Variants in PDS5A observed in about 807,000 individuals in gnomAD.
PDS5A encodes sister chromatid cohesion protein PDS5 homolog A.
PDS5A carries 42 observed loss-of-function variants against 167.1 expected under a neutral mutation model. That is an observed-to-expected ratio of 0.25 (90% CI 0.20 to 0.33). The LOEUF is 0.33. PDS5A is among the 10% of genes least tolerant of loss of function. The pLI is 1.00. For synonymous variants in PDS5A, 553 were observed against 554.6 expected, an observed-to-expected ratio of 1.00 and a Z score of 0.04; for missense variants, 1,033 against 1,605.9, an observed-to-expected ratio of 0.64 and a Z score of 6.10.
intron 32 of PDS5A, among the ~76,000 whole-genome samples, chr4:39,832,043 G>A (rs1201982427): frequency 2.7e-5 from 4 of 148,020 alleles, no homozygotes; most frequent in East Asian, 2.1e-4. Flanking sequence ...GAATGAACCC[G>A]GGAGGCAGAG....
chr4:39,881,261 T>C (rs142680001), intron 17 of PDS5A, among the ~76,000 whole-genome samples: 78 of 152,284 alleles, frequency 5.1e-4, no homozygotes, highest in African/African-American at 1.9e-3. Context: ...GCAATAATAA[T>C]GAGTATACGG....
chr4:39,930,389 G>A (rs1560494139), intron 2 of PDS5A, among the ~76,000 whole-genome samples: 1 of 151,032 alleles, frequency 6.6e-6, no homozygotes, highest in Non-Finnish European at 1.5e-5. Context: ...CACCATGCCT[G>A]GGCTATTGAG....
intron 5 of PDS5A, among the ~76,000 whole-genome samples, chr4:39,923,638 A>AACACACACACAC (rs10664167): frequency 0.024 from 3,031 of 125,246 alleles, 44 homozygotes; most frequent in African/African-American, 0.038. Context: ...CCTGTCTCAA[A>AACACACACACAC]ACACACACAC....
At chr4:39,899,694 C>T (rs940297984) in intron 14 of PDS5A, among the ~76,000 whole-genome samples, 1 of 151,668 alleles carries the variant, frequency 6.6e-6, no homozygotes, top group African/African-American at 2.4e-5. Context: ...AAAAAACATA[C>T]AAAACCTAGC....
chr4:39,874,810 A>T (rs1720330560), intron 19 of PDS5A, among the ~76,000 whole-genome samples: 3 of 152,204 alleles, frequency 2.0e-5, no homozygotes, highest in African/African-American at 7.2e-5. Context: ...GAAAGAGAGT[A>T]GCAAAAGGCC....
rs1013278834 is a variant in PDS5A at position 39,977,749 on chromosome 4, G to C, written c.-333C>G. ...TCCGGGAGTGTGTGCGCTTGTGTCCGTCCGGGACCCCCGCGGCCCGCCCGC... is the reference window on the plus strand; with the variant it reads ...TCCGGGAGTGTGTGCGCTTGTGTCCCTCCGGGACCCCCGCGGCCCGCCCGC... On this transcript the variant is annotated 5_prime_UTR_variant, in exon 1 of 33. Transcript: ENST00000303538. The surrounding 1 kb of genome is among the most constrained non-coding windows in gnomAD (Gnocchi z 4.2). The C allele has an allele frequency of 8.7e-5, 13 of 149,280 alleles. No individual in the cohort carries two copies. Among genetic ancestry groups the C allele is most frequent in the Non-Finnish European group, 1.8e-4 (12 of 66,852 alleles). 9.2% of individuals were successfully genotyped at this position (149,280 alleles called of 1,614,324 possible).
intron 5 of PDS5A, among the ~76,000 whole-genome samples, chr4:39,925,466 T>C (rs1391588175): frequency 1.3e-5 from 2 of 152,220 alleles, no homozygotes; most frequent in Non-Finnish European, 2.9e-5. Flanking sequence ...CATAATTTAA[T>C]ACTTCATTGT....
chr4:39,936,594 A>G (rs1560499202), intron 2 of PDS5A, among the ~76,000 whole-genome samples: 1 of 151,124 alleles, frequency 6.6e-6, no homozygotes, highest in Non-Finnish European at 1.5e-5. Flanking sequence ...CATCTGGCTA[A>G]TTTTTTTTAT....
intron 26 of PDS5A, among the ~76,000 whole-genome samples, chr4:39,852,773 T>C (rs1463379672): frequency 1.3e-5 from 2 of 152,190 alleles, no homozygotes; most frequent in African/African-American, 4.8e-5. Flanking sequence ...AGCTTCCCTA[T>C]GTTCCTTGCG....
At chr4:39,834,550 C>G (rs1327871992) in intron 32 of PDS5A, among the ~76,000 whole-genome samples, 1 of 152,094 alleles carries the variant, frequency 6.6e-6, no homozygotes, top group East Asian at 1.9e-4. Flanking sequence ...CTTTTTGCTT[C>G]TTAATCTTAA....
chr4:39,877,268 C>T, intron 18 of PDS5A, 115 bp from the exon 19 acceptor site: 1 of 587,928 alleles, frequency 1.7e-6, no homozygotes, highest in Non-Finnish European at 2.9e-6. Context: ...ATGCTAGCTA[C>T]ACAGAATAGA....
chr4:39,943,291 A>G (rs1430860895), intron 2 of PDS5A, among the ~76,000 whole-genome samples: 1 of 152,144 alleles, frequency 6.6e-6, no homozygotes, highest in Non-Finnish European at 1.5e-5. Flanking sequence ...ATTCTTTGGG[A>G]AAAATTCAAT....
intron 17 of PDS5A, among the ~76,000 whole-genome samples, chr4:39,889,476 G>A (rs1016876453): frequency 2.0e-5 from 3 of 152,206 alleles, no homozygotes; most frequent in African/African-American, 7.2e-5. Flanking sequence ...CTTGGGTACT[G>A]GAACTGATCT....
At chr4:39,899,018 T>G (rs1317656841) in intron 14 of PDS5A, among the ~76,000 whole-genome samples, 193 bp from the exon 15 acceptor site, 2 of 152,144 alleles carry the variant, frequency 1.3e-5, no homozygotes, top group Admixed American at 6.6e-5. Flanking sequence ...TAGTAGCAAC[T>G]ATTAAGACAA....
At chr4:39,903,660 T>A (rs191058115) in intron 12 of PDS5A, among the ~76,000 whole-genome samples, 10 of 152,346 alleles carry the variant, frequency 6.6e-5, no homozygotes, top group African/African-American at 2.4e-4. Flanking sequence ...TTAATCTACA[T>A]GATAATCCTG....
chr4:39,947,443 C>T (rs1401401282), intron 2 of PDS5A, among the ~76,000 whole-genome samples: 2 of 151,294 alleles, frequency 1.3e-5, no homozygotes, highest in African/African-American at 4.8e-5. Flanking sequence ...GAGAGACTGT[C>T]TGAAAGGGGG....
At chr4:39,951,294 G>A (rs554484582) in intron 2 of PDS5A, among the ~76,000 whole-genome samples, 1 of 152,322 alleles carries the variant, frequency 6.6e-6, no homozygotes, top group Non-Finnish European at 1.5e-5. Context: ...GATATTTAGA[G>A]ATGATAATTG....
intron 2 of PDS5A, chr4:39,974,276 A>G: frequency 1.8e-6 from 1 of 541,542 alleles, no homozygotes; most frequent in Admixed American, 1.9e-5. Context: ...ACTTAATACT[A>G]TGAGACCAGC....
chr4:39,862,225 A>G lies in PDS5A; in HGVS notation c.3080T>C (p.Ile1027Thr), dbSNP rs1395733080. 2.2e-6 allele frequency: 3 copies of G among 1,385,010 alleles called. No individual in the cohort carries two copies. Among genetic ancestry groups the G allele is most frequent in the South Asian group, 1.4e-5 (1 of 70,662 alleles). 85.8% of individuals were successfully genotyped at this position (1,385,010 alleles called of 1,614,324 possible). ...GAAAAACAACAAGACTTACTCTTTG[A>G]TATCACGAAGCTGATCAACATCTTG... is the stretch of plus-strand genomic sequence containing the variant. ...RSQDVDQLRD[I>T]KECLWFMLEV... is the part of the protein sequence containing the mutation. The change falls in exon 26 of 33, where the codon ATC becomes ACC. Residue 1027 changes from isoleucine to threonine, a missense_variant. By Grantham distance (89) the Ile-to-Thr change is moderately conservative. Coordinates refer to ENST00000303538, the MANE Select transcript of PDS5A (RefSeq NM_001100399.2).
Sources: allele counts gnomAD v4.1 joint callset (sites outside exome capture counted in the v4.1 genomes callset), GRCh38; gene constraint gnomAD v4.1.1; non-coding constraint Gnocchi (gnomAD v3.1); transcripts MANE v1.5; gene names NCBI Gene and HGNC (gene_info 2026-07-23, HGNC 2026-07-21).